The following MS4A6A variants were observed in gnomAD, a reference collection of about 807,000 sequenced individuals.
MS4A6A encodes membrane-spanning 4-domains subfamily A member 6A.
Under a neutral mutation model 20.6 loss-of-function variants are expected in MS4A6A, and 19 were observed. That is an observed-to-expected ratio of 0.92 (90% CI 0.64 to 1.36). The LOEUF is 1.36. Among genes scored for constraint, MS4A6A ranks in the 40% most tolerant of loss-of-function variants. MS4A6A has a pLI of 0.00. For missense variants in MS4A6A, 272 were observed against 261.1 expected (o/e 1.04, Z -0.29); for synonymous variants, 108 against 105.0 (o/e 1.03, Z -0.17).
rs4554903 is a variant in MS4A6A, at chr11:60,172,807, C to T, written c.*194G>A. The stretch of plus-strand genomic sequence containing the variant: ...ATAGGAAGATTGAATCAGTTGATTT[C>T]TCATGATTAACTATTTTCATATCCA... On this transcript the variant is annotated 3_prime_UTR_variant, in exon 6 of 6. Coordinates refer to ENST00000528851, the MANE Select transcript of MS4A6A (RefSeq NM_022349.4). 7.3e-7 allele frequency: 1 copy of T among 1,369,802 alleles called. No individual in the cohort carries two copies. Among genetic ancestry groups the T allele is most frequent in the South Asian group, 1.5e-5 (1 of 65,434 alleles). The allele number at this position is 1,369,802 out of a possible 1,614,324, so 84.9% of individuals were successfully genotyped here.
At chr11:60,179,755 C>A (rs767723186) in intron 3 of MS4A6A, 76 bp downstream of exon 3, 2 of 1,532,046 alleles carry the variant, frequency 1.3e-6, no homozygotes, top group South Asian at 1.1e-5. Flanking sequence ...AGCAAGCTGG[C>A]AGGTGGGAAG....
downstream of MS4A6A, among the ~76,000 whole-genome samples, chr11:60,171,733 A>T (rs1215563938): frequency 6.6e-6 from 1 of 152,226 alleles, no homozygotes; most frequent in Non-Finnish European, 1.5e-5. Context: ...CTGTATAAAA[A>T]AGTCTGAGCA....
At chr11:60,172,041 T>A, downstream of MS4A6A, 1 of 949,826 alleles carries the variant, frequency 1.1e-6, no homozygotes, top group East Asian at 2.5e-5. Flanking sequence ...TTTTTTTTAA[T>A]GTTCATTACT....
intron 5 of MS4A6A, 41 bp from the exon 6 acceptor site, chr11:60,173,170 G>T: frequency 6.3e-7 from 1 of 1,577,858 alleles, no homozygotes; most frequent in Non-Finnish European, 8.7e-7. Flanking sequence ...GCTTAGGTCA[G>T]CTGAAGCCTT....
intron 5 of MS4A6A, among the ~76,000 whole-genome samples, chr11:60,174,741 T>G (rs552264047): frequency 6.6e-6 from 1 of 152,330 alleles, no homozygotes; most frequent in South Asian, 2.1e-4. Context: ...TTATTTTTCT[T>G]CTTCCAAAGA....
In MS4A6A at chr11:60,180,031, G is replaced by A. The variant is rs377193282; in HGVS notation, c.148-66C>T. ...TTTGTAAAGACAGGGCCTTTTTGCC[G>A]CTCCCATGGCACTAATGCATTATCG... On this transcript the variant is annotated intron_variant, in intron 2 of 5. Transcript: ENST00000528851. The A allele has an allele frequency of 3.3e-4, 493 of 1,499,730 alleles. 1 individual carries two copies. In the African/African-American group the frequency reaches 5.6e-3, roughly 17 times the overall value. 92.9% of individuals were successfully genotyped at this position (1,499,730 alleles called of 1,614,324 possible). A position where few individuals can be genotyped will look rare whatever the true frequency, so the allele number is the denominator to read the frequency against.
At chr11:60,177,577 T>TG (rs1408660053) in intron 4 of MS4A6A, among the ~76,000 whole-genome samples, 3 of 132,444 alleles carry the variant, frequency 2.3e-5, no homozygotes, top group Admixed American at 7.4e-5. Flanking sequence ...GTTGTTGTTT[T>TG]GTTTTTTTGT....
downstream of MS4A6A, chr11:60,172,031 T>G (rs1313890100): frequency 1.0e-5 from 9 of 886,886 alleles, no homozygotes; most frequent in Admixed American, 5.6e-5. Context: ...GAAATAATGG[T>G]TTTTTTTAAT....
At chr11:60,179,665 A>G (rs1314650398) in intron 3 of MS4A6A, 166 bp downstream of exon 3, 1 of 742,040 alleles carries the variant, frequency 1.3e-6, no homozygotes, top group Non-Finnish European at 2.4e-6. Context: ...AATTGATCTA[A>G]AATCAAGCAA....
Position 60,181,619 on chromosome 11 carries a change from G to T in MS4A6A, c.109C>A (p.Leu37Met). ...ATTTCTGCGTGTAGATGTTTCTTCA[G>T]GCTATCCTGCCCCTGGTTGGTGGGT... ...PEPTNQGQDS[L>M]KKHLHAEIKV... The change falls in exon 2 of 6, where the codon CTG (leucine) becomes ATG (methionine). Residue 37 changes from leucine (L) to methionine (M), a missense_variant. Leu to Met is a conservative substitution (Grantham distance 15). Transcript: ENST00000528851. The T allele has an allele frequency of 3.1e-6, 5 of 1,613,900 alleles. No individual in the cohort carries two copies. In the South Asian group the frequency reaches 3.3e-5, roughly 11 times the overall value.
chr11:60,177,978 A>G (rs1856932189), intron 4 of MS4A6A: 1 of 366,546 alleles, frequency 2.7e-6, no homozygotes, highest in African/African-American at 2.1e-5. Flanking sequence ...CACCGAAAGA[A>G]CCTCATAAAC....
rs1248677682 is a variant in MS4A6A at position 60,173,080 on chromosome 11, G to A, written c.599C>T (p.Ala200Val). The A allele has an allele frequency of 1.2e-6, 2 of 1,614,124 alleles. No individual in the cohort carries two copies. The highest frequency in any genetic ancestry group is 2.2e-5 in the South Asian group (2 of 91,082). ...LICTLLEFCL[A>V]VLTAVLRWKQ... ...CCACCGCAGCACAGCAGTGAGCACA[G>A]CTAGGCAGAATTCCAGCAGAGTGCA... Residue 200 changes from alanine to valine, a missense_variant, in exon 6 of 6, where the codon GCT becomes GTT. Ala to Val is a moderately conservative substitution (Grantham distance 64). Coordinates refer to ENST00000528851, the MANE Select transcript of MS4A6A (RefSeq NM_022349.4).
At position 60,173,027 on chromosome 11, in the gene MS4A6A, C is replaced by A. The variant is rs138650483; in HGVS notation, c.652G>T (p.Val218Leu). The A allele has an allele frequency of 1.9e-6, 3 of 1,613,774 alleles. No individual in the cohort carries two copies. The East Asian group carries it at 6.7e-5, about 36-fold the overall frequency. Residue 218 changes from valine (V) to leucine (L), a missense_variant, in exon 6 of 6, where the codon GTG becomes TTG. By Grantham distance (32) the Val-to-Leu change is conservative. Coordinates refer to ENST00000528851, the MANE Select transcript of MS4A6A (RefSeq NM_022349.4). ...TAAGTGAAGCCGGCCAGCACACTCA[C>A]CCCAGGGAAGTCAGAGTAAGCCTGT... ...WKQAYSDFPG[V>L]SVLAGFT
At position 60,172,650 on chromosome 11, in the gene MS4A6A, T is replaced by G; in HGVS notation, c.*351A>C. ...CAATACTATTAAAGAGACTAGTGGTTGTGGCAGAAATTGTTTCTGCTTATA... is the reference window on the plus strand; with the variant it reads ...CAATACTATTAAAGAGACTAGTGGTGGTGGCAGAAATTGTTTCTGCTTATA... On this transcript the variant is annotated 3_prime_UTR_variant, in exon 6 of 6. Coordinates refer to ENST00000528851, the MANE Select transcript of MS4A6A (RefSeq NM_022349.4). 1 of 1,155,378 alleles carries G rather than the reference T, an allele frequency of 8.7e-7. No homozygotes were observed. The highest frequency in any genetic ancestry group is 1.1e-6 in the Non-Finnish European group (1 of 929,990). 71.6% of individuals were successfully genotyped at this position (1,155,378 alleles called of 1,614,324 possible).
In MS4A6A at chr11:60,173,125, G is replaced by A. The variant is rs1856666216; in HGVS notation, c.554C>T (p.Thr185Ile). 6.2e-7 allele frequency: 1 copy of A among 1,610,362 alleles called. No homozygotes were observed. The highest frequency in any genetic ancestry group is 8.5e-7 in the Non-Finnish European group (1 of 1,177,074). Residue 185 changes from threonine to isoleucine, a missense_variant, in exon 6 of 6, where the codon ACT becomes ATT. Thr to Ile is a moderately conservative substitution (Grantham distance 89). Coordinates refer to ENST00000528851, the MANE Select transcript of MS4A6A (RefSeq NM_022349.4). ...CYTAKASLAG[T>I]LSLMLICTLL... ...AGTGCAAATCAGCATCAGAGAGAGA[G>A]TTCCCTGAAAGTCAAGAAATAAAAG...
intron 2 of MS4A6A, 97 bp from the exon 3 acceptor site, chr11:60,180,062 T>G: frequency 8.3e-7 from 1 of 1,206,028 alleles, no homozygotes; most frequent in Non-Finnish European, 1.2e-6. Context: ...TATCGCCTTC[T>G]GCAAGATCCT....
At chr11:60,172,377 A>T, downstream of MS4A6A, 1 of 1,442,366 alleles carries the variant, frequency 6.9e-7, no homozygotes, top group Admixed American at 2.6e-5. Flanking sequence ...AGAGCATATC[A>T]CCAGGTTCTT....
rs1590668751 is a variant in MS4A6A, at chr11:60,175,444, T to A, written c.507A>T (p.Ser169=). ...CTGTATAGCAGTCCGTGGTATAAAG[T>A]GAATCATGATAAAAGTAAGAAACAT... is the stretch of plus-strand genomic sequence containing the variant. ...RSYVSYFYHD[S]LYTTDCYTAK... Residue 169 remains serine, a synonymous_variant, in exon 5 of 6, where the codon TCA becomes TCT. Coordinates refer to ENST00000528851, the MANE Select transcript of MS4A6A (RefSeq NM_022349.4). 6.2e-7 allele frequency: 1 copy of A among 1,614,132 alleles called. No individual in the cohort carries two copies.
chr11:60,178,876 C>G (rs1414719902), intron 3 of MS4A6A: 1 of 422,114 alleles, frequency 2.4e-6, no homozygotes, highest in Admixed American at 3.0e-5. Context: ...TAGGAACATT[C>G]TATAAAAATC....
Sources: allele counts gnomAD v4.1 joint callset (sites outside exome capture counted in the v4.1 genomes callset), GRCh38; gene constraint gnomAD v4.1.1; transcripts MANE v1.5; gene names NCBI Gene and HGNC (gene_info 2026-07-23, HGNC 2026-07-21).